Variants in EFNA5 observed in about 807,000 individuals in gnomAD.
The protein encoded by EFNA5 is ephrin-A5.
EFNA5 carries 5 observed loss-of-function variants against 22.9 expected under a neutral mutation model. The ratio of observed to expected loss-of-function variants is 0.22; its 90% confidence interval spans 0.11 to 0.46. EFNA5 has a LOEUF of 0.46. EFNA5 is among the 20% of genes least tolerant of loss of function. The pLI is 0.99. For missense variants in EFNA5, 237 were observed against 293.3 expected (o/e 0.81, Z 1.40); for synonymous variants, 113 against 112.2 (o/e 1.01, Z -0.04).
chr5:107,393,551 G>A (rs1020191737), intron 2 of EFNA5, among the ~76,000 whole-genome samples: 3 of 152,118 alleles, frequency 2.0e-5, no homozygotes, highest in Admixed American at 6.5e-5. Context: ...AGAATATTCA[G>A]CCGCTTTCTT....
At chr5:107,391,065 A>G (rs1747782714) in intron 2 of EFNA5, among the ~76,000 whole-genome samples, 1 of 152,224 alleles carries the variant, frequency 6.6e-6, no homozygotes, top group African/African-American at 2.4e-5. Flanking sequence ...AGGCTAATGC[A>G]TGAGAATTGC....
intron 1 of EFNA5, among the ~76,000 whole-genome samples, chr5:107,538,341 C>T (rs183148394): frequency 6.6e-6 from 1 of 152,302 alleles, no homozygotes; most frequent in Admixed American, 6.5e-5. Context: ...TTACTGAGTA[C>T]TTACTGAGCC....
chr5:107,411,031 A>C (rs1196536449), intron 2 of EFNA5, among the ~76,000 whole-genome samples: 1 of 152,226 alleles, frequency 6.6e-6, no homozygotes, highest in African/African-American at 2.4e-5. Context: ...TTAACTGAAA[A>C]ATATAAACCA....
chr5:107,420,650 G>A (rs1323762592), intron 2 of EFNA5, among the ~76,000 whole-genome samples: 17 of 151,352 alleles, frequency 1.1e-4, no homozygotes, highest in African/African-American at 3.4e-4. Context: ...ACTAAAATAC[G>A]AGGGAACTGC....
intron 1 of EFNA5, among the ~76,000 whole-genome samples, chr5:107,581,648 G>C (rs1220036305): frequency 2.0e-5 from 3 of 152,170 alleles, no homozygotes; most frequent in African/African-American, 7.2e-5. Flanking sequence ...AATAACAGTT[G>C]CCACATTCAA....
Position 107,560,368 on chromosome 5 carries a change from GTAAC to G in EFNA5, c.125+110117_125+110120del, listed in dbSNP as rs367847837. Among the ~76,000 whole-genome samples the G allele has an allele frequency of 3.0e-4, 45 of 152,284 alleles. No homozygotes were observed. The East Asian group carries it at 4.6e-3, about 16-fold the overall frequency. On this transcript the variant is annotated intron_variant, in intron 1 of 4. Coordinates refer to ENST00000333274, the MANE Select transcript of EFNA5 (RefSeq NM_001962.3). Reference sequence around the variant, plus strand: ...CTGATTCCTTAAACAAAGTAACAAAGTAACTAGTTGACAGATGAAATTTCCTCTT... The same window carrying G: ...CTGATTCCTTAAACAAAGTAACAAAGTAGTTGACAGATGAAATTTCCTCTT...
chr5:107,450,587 T>C (rs1749533174), intron 1 of EFNA5, among the ~76,000 whole-genome samples: 1 of 152,226 alleles, frequency 6.6e-6, no homozygotes, highest in African/African-American at 2.4e-5. Context: ...TTGTCTATAA[T>C]TGATAAAAGC....
rs558509170 is a variant in EFNA5, at chr5:107,645,766, C to T, written c.125+24723G>A. On this transcript the variant is annotated intron_variant, in intron 1 of 4. Coordinates refer to ENST00000333274, the MANE Select transcript of EFNA5 (RefSeq NM_001962.3). ...CTTGATTTGGAGATTGCTAAAACAA[C>T]AATAAAAGACTTATTCTAAACCTTG... Among the ~76,000 whole-genome samples, 9 of 152,212 alleles carry T rather than the reference C, an allele frequency of 5.9e-5. No homozygotes were observed. The South Asian group carries it at 1.9e-3, about 32-fold the overall frequency.
At chr5:107,582,153 TAGAG>T (rs1166839112) in intron 1 of EFNA5, among the ~76,000 whole-genome samples, 2 of 152,216 alleles carry the variant, frequency 1.3e-5, no homozygotes, top group South Asian at 4.1e-4. Flanking sequence ...GTAACTCTAA[TAGAG>T]AGATAAAATA....
At chr5:107,624,426 T>A (rs551540718) in intron 1 of EFNA5, among the ~76,000 whole-genome samples, 5 of 152,298 alleles carry the variant, frequency 3.3e-5, no homozygotes, top group African/African-American at 1.2e-4. Context: ...GTAATAATTA[T>A]GCTGATGGCA....
intron 1 of EFNA5, among the ~76,000 whole-genome samples, chr5:107,474,247 T>A (rs1181150529): frequency 1.3e-5 from 2 of 152,170 alleles, no homozygotes; most frequent in Non-Finnish European, 2.9e-5. Flanking sequence ...TGACACCCAG[T>A]TTGTACACCA....
At chr5:107,436,359 C>G (rs886649265) in intron 1 of EFNA5, among the ~76,000 whole-genome samples, 4 of 152,070 alleles carry the variant, frequency 2.6e-5, no homozygotes, top group African/African-American at 4.8e-5. Flanking sequence ...TTCTAAGCCC[C>G]CAAAGAGGCC....
chr5:107,574,273 A>G (rs1051887481), intron 1 of EFNA5, among the ~76,000 whole-genome samples: 2 of 152,218 alleles, frequency 1.3e-5, no homozygotes, highest in African/African-American at 2.4e-5. Context: ...GTGGGAGTAC[A>G]AGGAAGACTT....
In EFNA5 at chr5:107,451,552, T is replaced by TTAGA. The variant is rs777821180; in HGVS notation, c.126-24047_126-24044dup. On this transcript the variant is annotated intron_variant, in intron 1 of 4. Transcript: ENST00000333274. ...GAGAATAAATAATCTCAGTATACAT[T>TTAGA]TAGATAGATAGACAGATAATCTATA... is the stretch of plus-strand genomic sequence containing the variant. Among the ~76,000 whole-genome samples the TTAGA allele has an allele frequency of 2.0e-5, 3 of 152,120 alleles. 1 individual carries two copies. Among genetic ancestry groups the TTAGA allele is most frequent in the Admixed American group, 1.3e-4 (2 of 15,262 alleles).
chr5:107,399,667 G>T (rs879849463), intron 2 of EFNA5, among the ~76,000 whole-genome samples: 7 of 152,200 alleles, frequency 4.6e-5, no homozygotes, highest in Non-Finnish European at 1.0e-4. Flanking sequence ...GAAGATCAGA[G>T]AAACCTCTCA....
chr5:107,425,928 C>T (rs1173170032), intron 2 of EFNA5, among the ~76,000 whole-genome samples: 2 of 152,078 alleles, frequency 1.3e-5, no homozygotes, highest in South Asian at 4.1e-4. Flanking sequence ...GGGTGAAAGT[C>T]GATGCTAAGC....
At chr5:107,603,147 T>C (rs1356483569) in intron 1 of EFNA5, among the ~76,000 whole-genome samples, 2 of 152,344 alleles carry the variant, frequency 1.3e-5, no homozygotes, top group East Asian at 3.9e-4. Flanking sequence ...AACTGTTTCA[T>C]TGTTTAAAGG....
intron 1 of EFNA5, among the ~76,000 whole-genome samples, chr5:107,622,520 G>T (rs1024021907): frequency 6.6e-6 from 1 of 152,046 alleles, no homozygotes; most frequent in African/African-American, 2.4e-5. Flanking sequence ...TGCTAGAATG[G>T]CATAACTAGT....
intron 1 of EFNA5, among the ~76,000 whole-genome samples, chr5:107,617,833 G>GT (rs1749955067): frequency 6.6e-6 from 1 of 152,074 alleles, no homozygotes; most frequent in Non-Finnish European, 1.5e-5. Flanking sequence ...TCTACTTAAA[G>GT]TAAGTGGACC....
Sources: gnomAD v4.1 joint callset for allele counts (sites outside exome capture counted in the v4.1 genomes callset) on GRCh38, gnomAD v4.1.1 for gene constraint, MANE v1.5 for transcripts, NCBI Gene and HGNC (gene_info 2026-07-23, HGNC 2026-07-21) for gene names.